Variants in RBM3 observed in about 807,000 individuals in gnomAD.
RBM3 encodes RNA binding motif protein 3, also known as RNA-binding protein 3.
In RBM3, 3 loss-of-function variants were observed where a neutral mutation model predicts 12.0. That is an observed-to-expected ratio of 0.25 (90% CI 0.11 to 0.65). The LOEUF (loss-of-function observed/expected upper bound fraction) is 0.65. Among genes scored for constraint, RBM3 ranks in the 30% least tolerant of loss-of-function variants. RBM3 has a pLI of 0.84. For missense variants in RBM3, 108 were observed against 134.5 expected, an observed-to-expected ratio of 0.80 and a Z score of 0.97; for synonymous variants, 58 against 45.7, an observed-to-expected ratio of 1.27 and a Z score of -1.08.
Position 48,579,851 on chromosome X carries a change from C to T in RBM3, c.*2410C>T, listed in dbSNP as rs1342488601. 4 of 111,616 alleles carry T rather than the reference C, an allele frequency of 3.6e-5. No individual in the cohort carries two copies. The highest frequency in any genetic ancestry group is 5.6e-5 in the Non-Finnish European group (3 of 53,135). 9.2% of individuals were successfully genotyped at this position (111,616 alleles called of 1,213,427 possible). ...CAATGTGCTTTGTGATCATCCAGCCCAGGGAGTCCCAGTCTCTGGCTGTCT... is the reference window on the plus strand; with the variant it reads ...CAATGTGCTTTGTGATCATCCAGCCTAGGGAGTCCCAGTCTCTGGCTGTCT... On this transcript the variant is annotated 3_prime_UTR_variant, in exon 7 of 7. Transcript: ENST00000376759.
In RBM3 at chrX:48,578,191, T is replaced by TC. The variant is rs2062089534; in HGVS notation, c.*750_*751insC. Reference sequence around the variant, plus strand: ...GCTTTAAAATGTTTGCAAATGTCTTTTTTTTTTTAATACTGGAAGAAAAAA... The same window carrying TC: ...GCTTTAAAATGTTTGCAAATGTCTTTCTTTTTTTTAATACTGGAAGAAAAAA... On this transcript the variant is annotated 3_prime_UTR_variant, in exon 7 of 7. Transcript: ENST00000376759. 9.0e-6 allele frequency: 1 copy of TC among 111,488 alleles called. No homozygotes were observed. The highest frequency in any genetic ancestry group is 9.6e-5 in the Admixed American group (1 of 10,371). 9.2% of individuals were successfully genotyped at this position (111,488 alleles called of 1,213,427 possible). A position where few individuals can be genotyped will look rare whatever the true frequency, so the allele number is the denominator to read the frequency against.
chrX:48,574,486 C>A lies in RBM3; in HGVS notation c.-101C>A. ...GACGTTCTCGCTACGTACTCTTTAT[C>A]AATCGTCTTCCGGCGCAGCCCCGTC... On this transcript the variant is annotated 5_prime_UTR_variant, in exon 1 of 7. Transcript: ENST00000376759. 3.0e-6 allele frequency: 1 copy of A among 327,968 alleles called. No homozygotes were observed. The highest frequency in any genetic ancestry group is 5.9e-6 in the Non-Finnish European group (1 of 168,279). 27.0% of individuals were successfully genotyped at this position (327,968 alleles called of 1,213,427 possible). A position where few individuals can be genotyped will look rare whatever the true frequency, so the allele number is the denominator to read the frequency against.
In RBM3 at chrX:48,576,583, G is replaced by A. The variant is rs782338747; in HGVS notation, c.392G>A (p.Arg131His). ...GGAGGGTATGGATATGGATATGGAC[G>A]TTCCAGAGACTATAATGGCAGGTGG... is the stretch of plus-strand genomic sequence containing the variant. ...RPGGYGYGYG[R>H]SRDYNGRNQG... Residue 131 changes from arginine (R) to histidine (H), a missense_variant, in exon 5 of 7, where the codon CGT becomes CAT. Physicochemically the swap from Arg to His is conservative, Grantham distance 29. Around this residue, in one of 2 missense-constraint regions of RBM3, gnomAD observed 65 missense variants for 54.9 expected, o/e 1.18. Transcript: ENST00000376759. 2 of 1,175,328 alleles carry A rather than the reference G, an allele frequency of 1.7e-6. No individual in the cohort carries two copies. Among genetic ancestry groups the A allele is most frequent in the Non-Finnish European group, 1.1e-6 (1 of 877,468 alleles).
chrX:48,574,832 C>A (rs782214115), intron 1 of RBM3: 42 of 349,906 alleles, frequency 1.2e-4, no homozygotes, highest in Middle Eastern at 4.2e-4. Context: ...CCGACACTTA[C>A]TTTCCTTATC....
In RBM3 at chrX:48,576,414, C is replaced by G. The variant is rs1556989250; in HGVS notation, c.311C>G (p.Ser104Cys). 1 of 1,209,764 alleles carries G rather than the reference C, an allele frequency of 8.3e-7. No individual in the cohort carries two copies. The highest frequency in any genetic ancestry group is 1.1e-6 in the Non-Finnish European group (1 of 894,597). ...FGAHGRGRSY[S>C]RGGGDQGYGS... ...GCCCATGGGCGTGGTCGCAGCTACT[C>G]TAGAGGTGAGTGCAGTGATCGTTTT... The change falls in exon 4 of 7, where the codon TCT becomes TGT. Residue 104 changes from serine (S) to cysteine (C), a missense_variant. Physicochemically the swap from Ser to Cys is moderately radical, Grantham distance 112. This residue lies in a region of RBM3 where 65 missense variants were observed against 54.9 expected (regional missense o/e 1.18). Transcript: ENST00000376759.
chrX:48,577,133 A>G, intron 6 of RBM3, 24 bp downstream of exon 6: 1 of 1,209,946 alleles, frequency 8.3e-7, no homozygotes, highest in Non-Finnish European at 1.1e-6. Flanking sequence ...ATCGGCATTG[A>G]GTGAACCTGT....
chrX:48,578,884 A>G lies in RBM3; in HGVS notation c.*1443A>G, dbSNP rs1311692894. 8.9e-6 allele frequency: 1 copy of G among 111,948 alleles called. No individual in the cohort carries two copies. Among genetic ancestry groups the G allele is most frequent in the Non-Finnish European group, 1.9e-5 (1 of 53,220 alleles). The allele number at this position is 111,948 out of a possible 1,213,427, so 9.2% of individuals were successfully genotyped here. A position where few individuals can be genotyped will look rare whatever the true frequency, so the allele number is the denominator to read the frequency against. On this transcript the variant is annotated 3_prime_UTR_variant, in exon 7 of 7. Transcript: ENST00000376759. The stretch of plus-strand genomic sequence containing the variant: ...ATGAGAGAGGCCTGGTTTGAAAACA[A>G]TGCTAAGAGCTCAGATTCCAGGATT...
chrX:48,576,800 TG>T (rs1353031432), intron 5 of RBM3, among the ~76,000 whole-genome samples, 196 bp downstream of exon 5: 2 of 112,309 alleles, frequency 1.8e-5, no homozygotes, highest in African/African-American at 3.2e-5. Flanking sequence ...TTGTGCTGTG[TG>T]GGTTATATAA....
Position 48,577,650 on chromosome X carries a change from A to G in RBM3, c.*209A>G, listed in dbSNP as rs1480744808. 7.8e-6 allele frequency: 2 copies of G among 257,144 alleles called. No homozygotes were observed. The highest frequency in any genetic ancestry group is 6.0e-5 in the African/African-American group (2 of 33,114). The allele number at this position is 257,144 out of a possible 1,213,427, so 21.2% of individuals were successfully genotyped here. On this transcript the variant is annotated 3_prime_UTR_variant, in exon 7 of 7. Transcript: ENST00000376759. ...CTTTTTTTTTAAATTTTTTCTGCCT[A>G]TTTAAAGACAAATTATGGGACGTTT...
At position 48,580,641 on chromosome X, in the gene RBM3, G is replaced by T. The variant is rs1256183188; in HGVS notation, c.*3200G>T. Reference sequence around the variant, plus strand: ...ACTCCTGACCTCAAGTGATCCACCCGCCTCGGCCTCCCAAAGTGCTGGGAT... The same window carrying T: ...ACTCCTGACCTCAAGTGATCCACCCTCCTCGGCCTCCCAAAGTGCTGGGAT... On this transcript the variant is annotated 3_prime_UTR_variant, in exon 7 of 7. Transcript: ENST00000376759. 1.8e-5 allele frequency: 2 copies of T among 111,804 alleles called. No individual in the cohort carries two copies. Among genetic ancestry groups the T allele is most frequent in the African/African-American group, 3.3e-5 (1 of 30,674 alleles). The allele number at this position is 111,804 out of a possible 1,213,427, so 9.2% of individuals were successfully genotyped here. A position where few individuals can be genotyped will look rare whatever the true frequency, so the allele number is the denominator to read the frequency against.
rs2062099743 is a variant in RBM3, at chrX:48,581,063, A to T, written c.*3622A>T. The T allele has an allele frequency of 2.5e-5, 1 of 40,127 alleles. No individual in the cohort carries two copies. Among genetic ancestry groups the T allele is most frequent in the Non-Finnish European group, 3.9e-5 (1 of 25,650 alleles). 3.3% of individuals were successfully genotyped at this position (40,127 alleles called of 1,213,427 possible). On this transcript the variant is annotated 3_prime_UTR_variant, in exon 7 of 7. Transcript: ENST00000376759. Reference sequence around the variant, plus strand: ...TATTTACTTAGAGGAAGTGCCCTGGATCTGGGGGCGGGGGGGGGCGGGGGG... The same window carrying T: ...TATTTACTTAGAGGAAGTGCCCTGGTTCTGGGGGCGGGGGGGGGCGGGGGG...
intron 1 of RBM3, 123 bp from the exon 2 acceptor site, chrX:48,575,045 C>T: frequency 1.9e-6 from 1 of 520,388 alleles, no homozygotes; most frequent in South Asian, 2.9e-5. Context: ...CTGTAGTTAC[C>T]CATATTTTGT....
rs372668123 is a variant in RBM3 at position 48,576,563 on chromosome X, G to A, written c.372G>A (p.Gly124=). The A allele has an allele frequency of 5.1e-6, 6 of 1,181,454 alleles. No homozygotes were observed. In the East Asian group the frequency reaches 1.6e-4, roughly 31 times the overall value. ...SGRYYDSRPG[G]YGYGYGRSRD... is the part of the protein sequence containing the mutation. ...GGTATTATGACAGTCGACCTGGAGG[G>A]TATGGATATGGATATGGACGTTCCA... is the stretch of plus-strand genomic sequence containing the variant. Residue 124 remains glycine, a synonymous_variant, in exon 5 of 7, where the codon GGG becomes GGA. Transcript: ENST00000376759.
intron 2 of RBM3, 72 bp from the exon 3 acceptor site, chrX:48,575,489 G>A (rs1396732492): frequency 2.5e-5 from 25 of 987,983 alleles, no homozygotes; most frequent in Admixed American, 1.4e-4. Flanking sequence ...CTCCTTTTCC[G>A]GCCACCCTTT....
In RBM3 at chrX:48,579,697, C is replaced by T. The variant is rs1400831512; in HGVS notation, c.*2256C>T. ...TCAGGATGGCAATGTACCTCTCACC[C>T]CCAGTGTCAGCTGAGGTAGGATCCA... On this transcript the variant is annotated 3_prime_UTR_variant, in exon 7 of 7. Transcript: ENST00000376759. 8.9e-6 allele frequency: 1 copy of T among 111,752 alleles called. No homozygotes were observed. The highest frequency in any genetic ancestry group is 1.9e-5 in the Non-Finnish European group (1 of 53,161). 9.2% of individuals were successfully genotyped at this position (111,752 alleles called of 1,213,427 possible).
chrX:48,578,185 T>C lies in RBM3; in HGVS notation c.*744T>C, dbSNP rs1464517518. 5 of 111,125 alleles carry C rather than the reference T, an allele frequency of 4.5e-5. No individual in the cohort carries two copies. Among genetic ancestry groups the C allele is most frequent in the Non-Finnish European group, 9.4e-5 (5 of 53,009 alleles). 9.2% of individuals were successfully genotyped at this position (111,125 alleles called of 1,213,427 possible). On this transcript the variant is annotated 3_prime_UTR_variant, in exon 7 of 7. Coordinates refer to ENST00000376759, the MANE Select transcript of RBM3 (RefSeq NM_006743.5). ...GAGTTGGCTTTAAAATGTTTGCAAATGTCTTTTTTTTTTTAATACTGGAAG... is the reference window on the plus strand; with the variant it reads ...GAGTTGGCTTTAAAATGTTTGCAAACGTCTTTTTTTTTTTAATACTGGAAG...
chrX:48,576,711 T>C (rs1422749284), intron 5 of RBM3, 107 bp downstream of exon 5: 1 of 1,061,852 alleles, frequency 9.4e-7, no homozygotes, highest in African/African-American at 1.9e-5. Context: ...AATGTGTACC[T>C]AAAATGAGTA....
At position 48,580,548 on chromosome X, in the gene RBM3, C is replaced by T. The variant is rs782109867; in HGVS notation, c.*3107C>T. ...AGTAGCTGGGATTACAGGTGCCTGC[C>T]ACCACGCCCGGCTAATTTTTGTATT... On this transcript the variant is annotated 3_prime_UTR_variant, in exon 7 of 7. Transcript: ENST00000376759. 9.0e-6 allele frequency among the ~76,000 whole-genome samples: 1 copy of T among 111,306 alleles called. No individual in the cohort carries two copies. Among genetic ancestry groups the T allele is most frequent in the Admixed American group, 9.6e-5 (1 of 10,389 alleles).
rs1441889529 is a variant in RBM3 at position 48,578,817 on chromosome X, T to A, written c.*1376T>A. 3 of 111,517 alleles carry A rather than the reference T, an allele frequency of 2.7e-5. No homozygotes were observed. Among genetic ancestry groups the A allele is most frequent in the Non-Finnish European group, 5.6e-5 (3 of 53,098 alleles). 9.2% of individuals were successfully genotyped at this position (111,517 alleles called of 1,213,427 possible). A position where few individuals can be genotyped will look rare whatever the true frequency, so the allele number is the denominator to read the frequency against. The stretch of plus-strand genomic sequence containing the variant: ...ATTCCTTCCCCTGAAATGATGGGGG[T>A]TGGGCAGAGATGCACTGAACTCATC... On this transcript the variant is annotated 3_prime_UTR_variant, in exon 7 of 7. Transcript: ENST00000376759.
Sources: gnomAD v4.1 joint callset for allele counts (sites outside exome capture counted in the v4.1 genomes callset) on GRCh38, gnomAD v4.1.1 for gene constraint, gnomAD v4.1.1 regional missense constraint, MANE v1.5 for transcripts, NCBI Gene and HGNC (gene_info 2026-07-23, HGNC 2026-07-21) for gene names.